The following KAZN variants were observed in gnomAD, a reference collection of about 807,000 sequenced individuals.
The protein encoded by KAZN is kazrin, periplakin interacting protein.
Under a neutral mutation model 87.4 loss-of-function variants are expected in KAZN, and 40 were observed. The ratio of observed to expected loss-of-function variants is 0.46; its 90% CI spans 0.36 to 0.60. The LOEUF (loss-of-function observed/expected upper bound fraction) is 0.60. Ranked by LOEUF, KAZN falls within the 20% of genes least tolerant of loss-of-function variation. The pLI, the probability that KAZN is intolerant of heterozygous loss-of-function variation, is 0.00. For missense variants in KAZN, 898 were observed against 1,073.9 expected, an observed-to-expected ratio of 0.84 and a Z score of 2.29; for synonymous variants, 466 against 458.3, an observed-to-expected ratio of 1.02 and a Z score of -0.22.
chr1:15,036,792 G>A (rs1410937204), intron 3 of KAZN, among the ~76,000 whole-genome samples: 1 of 152,148 alleles, frequency 6.6e-6, no homozygotes, highest in African/African-American at 2.4e-5. Flanking sequence ...TGGGAGTTAC[G>A]GCATGTACTT....
At position 13,997,254 on chromosome 1, in the gene KAZN, A is replaced by G. The variant is rs149808431; in HGVS notation, c.91+103498A>G. Reference sequence around the variant, plus strand: ...TCAAAGATCAAAACTAGACAAACTCACGAAGATGAGAAAGAATCAATGAAA... The same window carrying G: ...TCAAAGATCAAAACTAGACAAACTCGCGAAGATGAGAAAGAATCAATGAAA... On this transcript the variant is annotated intron_variant, in intron 1 of 16. Coordinates refer to the KAZN transcript ENST00000636203. 4.2e-3 allele frequency among the ~76,000 whole-genome samples: 645 copies of G among 152,266 alleles called. 4 individuals carry two copies. Among genetic ancestry groups the G allele is most frequent in the African/African-American group, 0.015 (625 of 41,548 alleles).
chr1:14,163,118 T>G (rs927657581), intron 1 of KAZN, among the ~76,000 whole-genome samples: 2 of 152,200 alleles, frequency 1.3e-5, no homozygotes, highest in East Asian at 3.8e-4. Context: ...TGTATGGGTC[T>G]GCAGCAACTT....
At chr1:14,481,694 AT>A (rs1333147783) in intron 2 of KAZN, among the ~76,000 whole-genome samples, 2 of 152,126 alleles carry the variant, frequency 1.3e-5, no homozygotes, top group South Asian at 4.2e-4. Context: ...AAAAAAAAAA[AT>A]CTCAACTTGG....
chr1:14,367,520 T>C (rs1294338706), intron 2 of KAZN, among the ~76,000 whole-genome samples: 1 of 151,932 alleles, frequency 6.6e-6, no homozygotes, highest in South Asian at 2.1e-4. Flanking sequence ...AGCAGGAAAA[T>C]AGGGGTGTAA....
At chr1:14,634,047 G>C (rs1679781253) in intron 1 of KAZN, among the ~76,000 whole-genome samples, 1 of 152,102 alleles carries the variant, frequency 6.6e-6, no homozygotes, top group Non-Finnish European at 1.5e-5. Flanking sequence ...GAGAGCTGGA[G>C]ATCATGTTAA....
chr1:14,029,766 T>A, intron 1 of KAZN, among the ~76,000 whole-genome samples: 1 of 151,448 alleles, frequency 6.6e-6, no homozygotes, highest in African/African-American at 2.4e-5. Context: ...CTCAGGTTTG[T>A]CAAAGATCAG....
At chr1:14,956,807 A>G (rs1663169649) in intron 1 of KAZN, among the ~76,000 whole-genome samples, 1 of 152,032 alleles carries the variant, frequency 6.6e-6, no homozygotes, top group Non-Finnish European at 1.5e-5. Flanking sequence ...ACTGCTAGAG[A>G]CAGTGAGCTG....
At chr1:14,570,052 G>A (rs1185227422) in intron 2 of KAZN, among the ~76,000 whole-genome samples, 3 of 152,130 alleles carry the variant, frequency 2.0e-5, no homozygotes, top group African/African-American at 7.2e-5. Flanking sequence ...GGTAGAGGTT[G>A]CAGTGAGCCA....
intron 1 of KAZN, among the ~76,000 whole-genome samples, chr1:14,956,010 T>G (rs1020140323): frequency 6.6e-6 from 1 of 152,262 alleles, no homozygotes; most frequent in Non-Finnish European, 1.5e-5. Context: ...TGAAAATGAT[T>G]TGTTGTTTAT....
At chr1:13,943,785 T>C (rs532210458) in intron 1 of KAZN, among the ~76,000 whole-genome samples, 3 of 152,266 alleles carry the variant, frequency 2.0e-5, no homozygotes, top group South Asian at 4.1e-4. Flanking sequence ...CATGAAAAGA[T>C]ACTCAACAGC....
At chr1:14,589,113 A>G (rs1676033241) in intron 2 of KAZN, among the ~76,000 whole-genome samples, 1 of 152,140 alleles carries the variant, frequency 6.6e-6, no homozygotes, top group African/African-American at 2.4e-5. Context: ...TCAAAAGGAA[A>G]GACATCGGCA....
chr1:14,443,192 T>C, intron 2 of KAZN, among the ~76,000 whole-genome samples: 1 of 152,230 alleles, frequency 6.6e-6, no homozygotes, highest in South Asian at 2.1e-4. Context: ...TATTTTGTAT[T>C]GTTTTGTTTT....
intron 1 of KAZN, among the ~76,000 whole-genome samples, chr1:14,882,090 G>A (rs1342130547): frequency 2.6e-5 from 4 of 152,148 alleles, no homozygotes; most frequent in East Asian, 3.9e-4. Context: ...CGAGTCCCAG[G>A]TAAGACCCAT....
chr1:14,834,421 G>A (rs748825706), intron 1 of KAZN, among the ~76,000 whole-genome samples: 1 of 147,756 alleles, frequency 6.8e-6, no homozygotes, highest in East Asian at 2.0e-4. Flanking sequence ...GAGTGCAGTG[G>A]CATGATCTCG....
chr1:14,242,317 A>G lies in KAZN; in HGVS notation c.249+61725A>G, dbSNP rs560693251. On this transcript the variant is annotated intron_variant, in intron 2 of 16. Coordinates refer to the KAZN transcript ENST00000636203. The stretch of plus-strand genomic sequence containing the variant: ...AGAAAACATTTAATCCACCACATGA[A>G]GCAAGAGGGTGACCCCAGAGAGGTT... Among the ~76,000 whole-genome samples the G allele has an allele frequency of 3.9e-5, 6 of 152,302 alleles. No homozygotes were observed. The East Asian group carries it at 7.7e-4, about 20-fold the overall frequency.
intron 1 of KAZN, among the ~76,000 whole-genome samples, chr1:14,100,035 C>G (rs1459428982): frequency 6.6e-6 from 1 of 152,100 alleles, no homozygotes; most frequent in African/African-American, 2.4e-5. Context: ...TGGAGAATGG[C>G]CATGAAAGTT....
At chr1:14,054,369 G>A (rs764137487) in intron 1 of KAZN, among the ~76,000 whole-genome samples, 1 of 152,194 alleles carries the variant, frequency 6.6e-6, no homozygotes, top group Non-Finnish European at 1.5e-5. Context: ...AGGTCTGATG[G>A]ACAATCAGCT....
intron 2 of KAZN, among the ~76,000 whole-genome samples, chr1:14,579,356 T>C (rs577464230): frequency 1.3e-5 from 2 of 152,198 alleles, no homozygotes; most frequent in Admixed American, 6.5e-5. Context: ...CTGGGCGTGG[T>C]GGCTCACGCC....
intron 2 of KAZN, among the ~76,000 whole-genome samples, chr1:14,362,549 G>A (rs1457970999): frequency 2.0e-5 from 3 of 152,168 alleles, no homozygotes; most frequent in Admixed American, 6.5e-5. Context: ...CCAGGAGGTA[G>A]GAATCACAGG....
Sources: allele counts gnomAD v4.1 joint callset (sites outside exome capture counted in the v4.1 genomes callset), GRCh38; gene constraint gnomAD v4.1.1; transcripts MANE v1.5; gene names NCBI Gene and HGNC (gene_info 2026-07-23, HGNC 2026-07-21).